HS6ST3: variants seen among roughly 807,000 people sequenced by gnomAD.
HS6ST3 encodes heparan sulfate 6-O-sulfotransferase 3.
In HS6ST3, 12 loss-of-function variants were observed where a neutral mutation model predicts 36.7. That is an observed-to-expected ratio of 0.33 (90% confidence interval 0.21 to 0.53). HS6ST3 has a LOEUF of 0.53. Among genes scored for constraint, HS6ST3 ranks in the 20% least tolerant of loss-of-function variants. The pLI is 0.95. For synonymous variants in HS6ST3, 240 were observed against 257.5 expected (o/e 0.93, Z 0.65); for missense variants, 584 against 640.9 (o/e 0.91, Z 0.96).
chr13:96,752,023 T>C (rs1183378253), intron 1 of HS6ST3, among the ~76,000 whole-genome samples: 1 of 152,136 alleles, frequency 6.6e-6, no homozygotes, highest in East Asian at 1.9e-4. Flanking sequence ...GTCTCCCACG[T>C]GCTCCTGTAT....
At chr13:96,787,372 C>T (rs1207926734) in intron 1 of HS6ST3, among the ~76,000 whole-genome samples, 1 of 152,004 alleles carries the variant, frequency 6.6e-6, no homozygotes, top group Admixed American at 6.6e-5. Flanking sequence ...ATGAAAATTA[C>T]AGTTGTTTCC....
intron 1 of HS6ST3, among the ~76,000 whole-genome samples, chr13:96,450,166 T>TG (rs2055720674): frequency 6.6e-6 from 1 of 152,232 alleles, no homozygotes; most frequent in Non-Finnish European, 1.5e-5. Context: ...TTTGGAAACA[T>TG]GCTCTCCAAG....
In HS6ST3 at chr13:96,705,825, C is replaced by A. The variant is rs971084287; in HGVS notation, c.708-126665C>A. ...AGTCTCCGTCCACCCACCCCACTGG[C>A]CTCTGGGCACAGGCACAGGTGACTC... On this transcript the variant is annotated intron_variant, in intron 1 of 1. Transcript: ENST00000376705. 3.3e-5 allele frequency among the ~76,000 whole-genome samples: 5 copies of A among 152,166 alleles called. No individual in the cohort carries two copies. The South Asian group carries it at 1.0e-3, about 31-fold the overall frequency.
chr13:96,447,328 C>A (rs1397453650), intron 1 of HS6ST3, among the ~76,000 whole-genome samples: 2 of 152,156 alleles, frequency 1.3e-5, no homozygotes, highest in African/African-American at 4.8e-5. Context: ...CCCAGAAGAC[C>A]TGCACTTGTG....
At chr13:96,709,967 C>G (rs1387794678) in intron 1 of HS6ST3, among the ~76,000 whole-genome samples, 1 of 152,202 alleles carries the variant, frequency 6.6e-6, no homozygotes, top group Non-Finnish European at 1.5e-5. Context: ...ACAATTCAAA[C>G]AAGGGCTCTA....
chr13:96,360,176 C>G (rs759806948), intron 1 of HS6ST3, among the ~76,000 whole-genome samples: 75 of 152,130 alleles, frequency 4.9e-4, no homozygotes, highest in Non-Finnish European at 8.2e-4. Context: ...CTGGCACAAT[C>G]CAACAGCAGC....
chr13:96,771,736 A>T (rs910055016), intron 1 of HS6ST3, among the ~76,000 whole-genome samples: 2 of 152,170 alleles, frequency 1.3e-5, no homozygotes, highest in African/African-American at 4.8e-5. Flanking sequence ...TCCTGACATG[A>T]CTGCTTTTGA....
At chr13:96,438,580 T>C (rs1335735808) in intron 1 of HS6ST3, among the ~76,000 whole-genome samples, 1 of 152,228 alleles carries the variant, frequency 6.6e-6, no homozygotes, top group Non-Finnish European at 1.5e-5. Flanking sequence ...TTCACATTTC[T>C]GAGGCAGAGG....
chr13:96,712,075 T>C (rs1426935279), intron 1 of HS6ST3, among the ~76,000 whole-genome samples: 1 of 152,230 alleles, frequency 6.6e-6, no homozygotes, highest in East Asian at 1.9e-4. Flanking sequence ...TGCTTTTCTC[T>C]AATATGGTGT....
At chr13:96,335,259 C>A (rs1164875851) in intron 1 of HS6ST3, among the ~76,000 whole-genome samples, 1 of 152,148 alleles carries the variant, frequency 6.6e-6, no homozygotes, top group East Asian at 1.9e-4. Context: ...CCCAGGAACT[C>A]TTGCAGGTTA....
intron 1 of HS6ST3, among the ~76,000 whole-genome samples, chr13:96,720,877 G>A (rs1875831020): frequency 6.6e-6 from 1 of 152,102 alleles, no homozygotes; most frequent in African/African-American, 2.4e-5. Flanking sequence ...GCATGTTTAA[G>A]GGTGTCATTA....
chr13:96,791,169 C>T (rs775012655), intron 1 of HS6ST3, among the ~76,000 whole-genome samples: 1 of 151,980 alleles, frequency 6.6e-6, no homozygotes, highest in African/African-American at 2.4e-5. Flanking sequence ...CCTCATACAG[C>T]AGCGAATAAT....
At chr13:96,337,058 T>TTTTG (rs1350156924) in intron 1 of HS6ST3, among the ~76,000 whole-genome samples, 48 of 152,274 alleles carry the variant, frequency 3.2e-4, no homozygotes, top group Non-Finnish European at 4.7e-4. Flanking sequence ...ATCAGTTTTT[T>TTTTG]TTTGTTTGTT....
chr13:96,281,096 T>C (rs1013185196), intron 1 of HS6ST3, among the ~76,000 whole-genome samples: 6 of 152,090 alleles, frequency 3.9e-5, no homozygotes, highest in Admixed American at 3.9e-4. Context: ...AACCTCTGCC[T>C]CCTGGTTCAA....
At chr13:96,445,860 C>T (rs1016619478) in intron 1 of HS6ST3, among the ~76,000 whole-genome samples, 5 of 144,436 alleles carry the variant, frequency 3.5e-5, no homozygotes, top group Non-Finnish European at 7.5e-5. Flanking sequence ...AGCATTGAGA[C>T]TCTGTCTCAA....
intron 1 of HS6ST3, among the ~76,000 whole-genome samples, chr13:96,363,760 G>T (rs2055250553): frequency 6.6e-6 from 1 of 152,048 alleles, no homozygotes; most frequent in South Asian, 2.1e-4. Context: ...ATAGATGAGA[G>T]AAACAAAAGA....
intron 1 of HS6ST3, among the ~76,000 whole-genome samples, chr13:96,555,929 A>T (rs2056238839): frequency 6.6e-6 from 1 of 152,222 alleles, no homozygotes; most frequent in African/African-American, 2.4e-5. Context: ...AGACAGAGAC[A>T]ATAAATTCTG....
chr13:96,401,053 A>G (rs1326792372), intron 1 of HS6ST3, among the ~76,000 whole-genome samples: 1 of 152,184 alleles, frequency 6.6e-6, no homozygotes, highest in Admixed American at 6.5e-5. Flanking sequence ...TGATTATTCA[A>G]TGTTTATTTT....
intron 1 of HS6ST3, among the ~76,000 whole-genome samples, chr13:96,799,045 G>A (rs1877979234): frequency 1.3e-5 from 2 of 151,974 alleles, no homozygotes; most frequent in Admixed American, 6.6e-5. Context: ...TAGCTTAATC[G>A]CTTCTTTAAA....
Sources: gnomAD v4.1 joint callset for allele counts (sites outside exome capture counted in the v4.1 genomes callset) on GRCh38, gnomAD v4.1.1 for gene constraint, MANE v1.5 for transcripts, NCBI Gene and HGNC (gene_info 2026-07-23, HGNC 2026-07-21) for gene names.